The following DAZAP2 variants were observed in gnomAD, a reference collection of about 807,000 sequenced individuals.
The protein encoded by DAZAP2 is DAZ-associated protein 2.
DAZAP2 carries 3 observed loss-of-function variants against 16.2 expected under a neutral mutation model. The ratio of observed to expected loss-of-function variants is 0.19; its 90% CI spans 0.08 to 0.48. The LOEUF (loss-of-function observed/expected upper bound fraction) is 0.48. Among genes scored for constraint, DAZAP2 ranks in the 20% least tolerant of loss-of-function variants. The pLI is 0.98. For missense variants in DAZAP2, 172 were observed against 215.9 expected (o/e 0.80, Z 1.27); for synonymous variants, 69 against 77.6 (o/e 0.89, Z 0.58).
At chr12:51,240,110 G>C in intron 1 of DAZAP2, 1 of 535,714 alleles carries the variant, frequency 1.9e-6, no homozygotes, top group Non-Finnish European at 3.4e-6. Context: ...ACTTCGGTAT[G>C]TTAGTAGGAG....
At chr12:51,246,017 T>G (rs774243028), downstream of DAZAP2, 19 of 1,613,710 alleles carry the variant, frequency 1.2e-5, no homozygotes, top group African/African-American at 2.5e-4. Flanking sequence ...GGGCTCACCT[T>G]CTGTAGGTTC....
intron 1 of DAZAP2, 24 bp from the exon 2 acceptor site, chr12:51,240,319 C>G: frequency 6.3e-7 from 1 of 1,599,210 alleles, no homozygotes; most frequent in Non-Finnish European, 8.6e-7. Flanking sequence ...AGTAGGCAAC[C>G]TTCATTTTTT....
intron 3 of DAZAP2, among the ~76,000 whole-genome samples, chr12:51,241,674 CTG>C (rs898385167): frequency 2.6e-5 from 4 of 152,140 alleles, no homozygotes; most frequent in African/African-American, 9.7e-5. Context: ...CATTCAAAAA[CTG>C]TGTAAGGGCG....
downstream of DAZAP2, chr12:51,244,889 A>G (rs992929680): frequency 1.4e-5 from 2 of 143,260 alleles, no homozygotes; most frequent in African/African-American, 5.3e-5. Flanking sequence ...TAGTGGTGCA[A>G]TCTCAGCTCA....
At chr12:51,240,751 C>A in intron 2 of DAZAP2, 120 bp from the exon 3 acceptor site, 2 of 1,395,326 alleles carry the variant, frequency 1.4e-6, no homozygotes, top group Non-Finnish European at 1.9e-6. Flanking sequence ...GGAAAGGCAA[C>A]TTGTATAATC....
Position 51,243,036 on chromosome 12 carries a change from C to G in DAZAP2, c.*578C>G, listed in dbSNP as rs1347677655. 1 of 995,374 alleles carries G rather than the reference C, an allele frequency of 1.0e-6. No individual in the cohort carries two copies. Among genetic ancestry groups the G allele is most frequent in the Non-Finnish European group, 1.2e-6 (1 of 836,690 alleles). 61.7% of individuals were successfully genotyped at this position (995,374 alleles called of 1,614,324 possible). ...GCCAGTCAGACTAATTTCCTTCTTT[C>G]CTCGCACTTCTCCCCACTCGTCATC... is the stretch of plus-strand genomic sequence containing the variant. On this transcript the variant is annotated 3_prime_UTR_variant, in exon 4 of 4. Coordinates refer to ENST00000412716, the MANE Select transcript of DAZAP2 (RefSeq NM_014764.4).
At chr12:51,241,678 G>GT (rs1450383877) in intron 3 of DAZAP2, among the ~76,000 whole-genome samples, 4 of 152,142 alleles carry the variant, frequency 2.6e-5, no homozygotes, top group African/African-American at 9.7e-5. Flanking sequence ...CAAAAACTGT[G>GT]TAAGGGCGAA....
At chr12:51,246,041 C>T, downstream of DAZAP2, 1 of 1,613,958 alleles carries the variant, frequency 6.2e-7, no homozygotes, top group South Asian at 1.1e-5. Context: ...GGTGACGTAG[C>T]TGCCTTTGTT....
downstream of DAZAP2, chr12:51,246,031 G>C: frequency 2.5e-6 from 4 of 1,613,956 alleles, no homozygotes; most frequent in Non-Finnish European, 3.4e-6. Context: ...TAGGTTCATA[G>C]GTGACGTAGC....
rs1944598567 is a variant in DAZAP2 at position 51,238,842 on chromosome 12, CGAACAG to C, written c.-62_-57del. 4.3e-6 allele frequency: 7 copies of C among 1,610,984 alleles called. No homozygotes were observed. The highest frequency in any genetic ancestry group is 1.1e-5 in the South Asian group (1 of 91,042). ...CCATCATGTGACACGGAAGTAGCTC[CGAACAG>C]GAAGAGGACGAAAAAAATAACCGTC... On this transcript the variant is annotated 5_prime_UTR_variant, in exon 1 of 4. Coordinates refer to ENST00000412716, the MANE Select transcript of DAZAP2 (RefSeq NM_014764.4).
downstream of DAZAP2, chr12:51,246,201 C>A: frequency 6.5e-7 from 1 of 1,545,596 alleles, no homozygotes; most frequent in Non-Finnish European, 8.8e-7. Context: ...GATTTAGTCA[C>A]TGTTTTCGTA....
chr12:51,239,098 T>A, intron 1 of DAZAP2, 178 bp downstream of exon 1: 3 of 870,150 alleles, frequency 3.4e-6, no homozygotes, highest in Non-Finnish European at 5.1e-6. Context: ...TACGGCAGCT[T>A]GCTGCCTCCA....
At chr12:51,246,503 G>A (rs767290241), downstream of DAZAP2, 7 of 441,832 alleles carry the variant, frequency 1.6e-5, no homozygotes, top group Non-Finnish European at 1.6e-5. Flanking sequence ...CCCTACCCAC[G>A]TACTCAAGTG....
downstream of DAZAP2, chr12:51,246,152 T>G: frequency 6.2e-7 from 1 of 1,610,742 alleles, no homozygotes; most frequent in Non-Finnish European, 8.5e-7. Context: ...TAGAGATGTT[T>G]CAGGATTGAG....
chr12:51,241,149 CT>C (rs1944668695), intron 3 of DAZAP2, 33 bp downstream of exon 3: 1 of 1,604,828 alleles, frequency 6.2e-7, no homozygotes, highest in Admixed American at 1.7e-5. Flanking sequence ...AAACTCAGCC[CT>C]TGTGTATTTT....
rs1944721998 is a variant in DAZAP2 at position 51,243,648 on chromosome 12, C to T, written c.*1190C>T. ...TCTGTACATGTGATGTTTGACTGTACCATTGACTGTTATGGAAGTTCAGCG... is the reference window on the plus strand; with the variant it reads ...TCTGTACATGTGATGTTTGACTGTATCATTGACTGTTATGGAAGTTCAGCG... On this transcript the variant is annotated 3_prime_UTR_variant, in exon 4 of 4. Transcript: ENST00000412716. The T allele has an allele frequency of 1.0e-6, 1 of 985,504 alleles. No homozygotes were observed. The highest frequency in any genetic ancestry group is 1.2e-6 in the Non-Finnish European group (1 of 829,862). 61.0% of individuals were successfully genotyped at this position (985,504 alleles called of 1,614,324 possible).
downstream of DAZAP2, chr12:51,245,964 C>G: frequency 6.2e-7 from 1 of 1,613,748 alleles, no homozygotes; most frequent in Non-Finnish European, 8.5e-7. Flanking sequence ...TCCTCTTTCT[C>G]GCTGCCCTTG....
chr12:51,239,069 G>A (rs1253236789), intron 1 of DAZAP2, 149 bp downstream of exon 1: 21 of 1,135,094 alleles, frequency 1.9e-5, no homozygotes, highest in Non-Finnish European at 2.6e-5. Context: ...TGCGCCTGAC[G>A]CCTTCGTCAT....
intron 3 of DAZAP2, among the ~76,000 whole-genome samples, chr12:51,241,626 G>A (rs921266198): frequency 6.6e-5 from 10 of 152,192 alleles, no homozygotes; most frequent in African/African-American, 2.4e-4. Flanking sequence ...GAGATGAAGT[G>A]AATGTGTCAT....
Sources: gnomAD v4.1 joint callset for allele counts (sites outside exome capture counted in the v4.1 genomes callset) on GRCh38, gnomAD v4.1.1 for gene constraint, MANE v1.5 for transcripts, NCBI Gene and HGNC (gene_info 2026-07-23, HGNC 2026-07-21) for gene names.